SLIT2: variants seen among roughly 807,000 people sequenced by gnomAD.
SLIT2 encodes slit homolog 2 protein.
In SLIT2, 41 loss-of-function variants were observed where a neutral mutation model predicts 185.7. The ratio of observed to expected loss-of-function variants is 0.22; its 90% CI spans 0.17 to 0.29. The LOEUF is 0.29. Among genes scored for constraint, SLIT2 ranks in the 10% least tolerant of loss-of-function variants. The pLI is 1.00. For synonymous variants in SLIT2, 693 were observed against 680.2 expected, an observed-to-expected ratio of 1.02 and a Z score of -0.29; for missense variants, 1,571 against 1,909.0, an observed-to-expected ratio of 0.82 and a Z score of 3.30.
At chr4:20,481,365 AC>A (rs1314695814) in intron 6 of SLIT2, among the ~76,000 whole-genome samples, 1 of 152,126 alleles carries the variant, frequency 6.6e-6, no homozygotes, top group Non-Finnish European at 1.5e-5. Context: ...GGCATGACTG[AC>A]AAAATTGGTT....
chr4:20,419,853 A>G (rs1162816742), intron 4 of SLIT2, among the ~76,000 whole-genome samples: 1 of 152,050 alleles, frequency 6.6e-6, no homozygotes, highest in East Asian at 1.9e-4. Context: ...ACGGTTTTCT[A>G]TATCATAGGA....
intron 4 of SLIT2, among the ~76,000 whole-genome samples, chr4:20,329,995 T>A (rs543143446): frequency 6.6e-6 from 1 of 152,138 alleles, no homozygotes; most frequent in East Asian, 1.9e-4. Flanking sequence ...ATTTTTTATT[T>A]TCTTCTTTGC....
chr4:20,550,303 G>T (rs1371103442), intron 24 of SLIT2, among the ~76,000 whole-genome samples: 1 of 151,486 alleles, frequency 6.6e-6, no homozygotes, highest in African/African-American at 2.4e-5. Flanking sequence ...TTTCTGTTGG[G>T]TACTTTATAT....
At chr4:20,612,068 G>C (rs1729265012) in intron 34 of SLIT2, among the ~76,000 whole-genome samples, 2 of 151,926 alleles carry the variant, frequency 1.3e-5, no homozygotes, top group Admixed American at 1.3e-4. Context: ...TTAGAATATA[G>C]TATAAAACCA....
intron 11 of SLIT2, among the ~76,000 whole-genome samples, chr4:20,511,474 T>A (rs1373115079): frequency 6.9e-6 from 1 of 143,986 alleles, no homozygotes; most frequent in African/African-American, 2.6e-5. Context: ...CAGACTGGAG[T>A]GCAGTGGCGC....
intron 4 of SLIT2, among the ~76,000 whole-genome samples, chr4:20,269,259 T>A (rs528902591): frequency 8.9e-4 from 135 of 151,994 alleles, no homozygotes; most frequent in Non-Finnish European, 1.6e-3. Context: ...ATTTTTAATG[T>A]CAGCTTTTTT....
chr4:20,416,838 T>C (rs765116844), intron 4 of SLIT2, among the ~76,000 whole-genome samples: 8 of 152,228 alleles, frequency 5.3e-5, no homozygotes, highest in Non-Finnish European at 1.0e-4. Flanking sequence ...TAGCCTCAAT[T>C]GGAAAAATGT....
intron 33 of SLIT2, 115 bp downstream of exon 33, chr4:20,598,510 T>C: frequency 8.4e-7 from 1 of 1,193,882 alleles, no homozygotes; most frequent in South Asian, 1.4e-5. Context: ...CAGCAGGTTT[T>C]AGGATGAGGG....
At chr4:20,613,355 G>T (rs1400490622) in intron 34 of SLIT2, among the ~76,000 whole-genome samples, 1 of 152,200 alleles carries the variant, frequency 6.6e-6, no homozygotes, top group Non-Finnish European at 1.5e-5. Flanking sequence ...CCCTTGGCAG[G>T]AACATGGATG....
intron 4 of SLIT2, among the ~76,000 whole-genome samples, chr4:20,430,720 C>T (rs1164499893): frequency 3.9e-5 from 6 of 152,186 alleles, no homozygotes; most frequent in Non-Finnish European, 8.8e-5. Context: ...ATACAACTTG[C>T]TCATCCTCCC....
intron 16 of SLIT2, 101 bp downstream of exon 16, chr4:20,529,200 T>C: frequency 1.2e-6 from 1 of 807,826 alleles, no homozygotes; most frequent in Non-Finnish European, 1.9e-6. Flanking sequence ...AATAATTGCA[T>C]TAATTTTAAT....
intron 16 of SLIT2, among the ~76,000 whole-genome samples, chr4:20,530,700 A>T (rs1721722061): frequency 6.6e-6 from 1 of 152,190 alleles, no homozygotes; most frequent in Non-Finnish European, 1.5e-5. Flanking sequence ...ATTATATAAT[A>T]AAATCAGTAC....
chr4:20,485,439 T>C (rs912707678), intron 6 of SLIT2, among the ~76,000 whole-genome samples: 19 of 152,270 alleles, frequency 1.2e-4, no homozygotes, highest in African/African-American at 4.3e-4. Flanking sequence ...CTAACAAAGT[T>C]GCACTGGGGG....
intron 4 of SLIT2, among the ~76,000 whole-genome samples, chr4:20,416,641 T>C (rs1727711422): frequency 6.6e-6 from 1 of 152,200 alleles, no homozygotes; most frequent in African/African-American, 2.4e-5. Flanking sequence ...TGTTAGATGA[T>C]TATTTGTTTT....
intron 4 of SLIT2, among the ~76,000 whole-genome samples, chr4:20,290,769 T>C (rs1384064736): frequency 6.6e-6 from 1 of 151,776 alleles, no homozygotes; most frequent in Non-Finnish European, 1.5e-5. Flanking sequence ...TTTTTTTTTT[T>C]CTGATTACAC....
At chr4:20,613,728 A>T (rs1729422122) in intron 34 of SLIT2, among the ~76,000 whole-genome samples, 1 of 152,104 alleles carries the variant, frequency 6.6e-6, no homozygotes, top group South Asian at 2.1e-4. Context: ...AACAAAAAAA[A>T]CCAGGGATGC....
chr4:20,567,525 A>G lies in SLIT2; in HGVS notation c.2858A>G (p.Asp953Gly), dbSNP rs370142579. 1 of 1,613,080 alleles carries G rather than the reference A, an allele frequency of 6.2e-7. No homozygotes were observed. Among genetic ancestry groups the G allele is most frequent in the Non-Finnish European group, 8.5e-7 (1 of 1,179,396 alleles). Residue 953 changes from aspartate (D) to glycine (G), a missense_variant, in exon 28 of 37, where the codon GAC becomes GGC. This residue lies in a region of SLIT2 where 1,202 missense variants were observed against 1,416.4 expected (regional missense o/e 0.85). Transcript: ENST00000504154. ...TTGCCCCTTCTTCTCCAGGGGCAGGACTGTGATGTCCCAATTCATGCCTGC... is the reference window on the plus strand; with the variant it reads ...TTGCCCCTTCTTCTCCAGGGGCAGGGCTGTGATGTCCCAATTCATGCCTGC... ...CTCPYGFKGQDCDVPIHACIS... is the reference protein window; with the variant it reads ...CTCPYGFKGQGCDVPIHACIS...
chr4:20,467,868 A>G, intron 5 of SLIT2, 45 bp downstream of exon 5: 2 of 966,864 alleles, frequency 2.1e-6, no homozygotes, highest in Admixed American at 2.2e-5. Context: ...GTCATTATCT[A>G]TTTTCAAAGT....
intron 9 of SLIT2, among the ~76,000 whole-genome samples, chr4:20,495,391 T>C (rs1206841803): frequency 6.6e-6 from 1 of 152,094 alleles, no homozygotes; most frequent in Non-Finnish European, 1.5e-5. Flanking sequence ...AGCGAATTGG[T>C]CAAATCCAGA....
Sources: gnomAD v4.1 joint callset for allele counts (sites outside exome capture counted in the v4.1 genomes callset) on GRCh38, gnomAD v4.1.1 for gene constraint, gnomAD v4.1.1 regional missense constraint, MANE v1.5 for transcripts, NCBI Gene and HGNC (gene_info 2026-07-23, HGNC 2026-07-21) for gene names.